The following MERTK variants were observed in gnomAD, a reference collection of about 807,000 sequenced individuals.
MERTK encodes the protein MER proto-oncogene, tyrosine kinase.
A neutral mutation model predicts 99.3 loss-of-function variants in MERTK; 69 were observed. The ratio of observed to expected loss-of-function variants is 0.70; its 90% confidence interval spans 0.57 to 0.85. The LOEUF is 0.85. Among genes scored for constraint, MERTK ranks in the 40% least tolerant of loss-of-function variants. MERTK has a pLI of 0.00. For missense variants in MERTK, 1,125 were observed against 1,249.4 expected (o/e 0.90, Z 1.50); for synonymous variants, 426 against 467.6 (o/e 0.91, Z 1.15).
rs528443108 is a variant in MERTK at position 111,978,186 on chromosome 2, G to A, written c.1144+2714G>A. Among the ~76,000 whole-genome samples the A allele has an allele frequency of 2.6e-4, 38 of 147,798 alleles. No homozygotes were observed. The East Asian group carries it at 4.2e-3, about 16-fold the overall frequency. The stretch of plus-strand genomic sequence containing the variant: ...TTTTTTGAGATGGAGTTTCACTCTC[G>A]TTGCCCAGGCTGGAGTGCAATGGTG... On this transcript the variant is annotated intron_variant, in intron 7 of 18. Coordinates refer to ENST00000295408, the MANE Select transcript of MERTK (RefSeq NM_006343.3).
In MERTK at chr2:111,964,088, CA is replaced by C. The variant is rs368758171; in HGVS notation, c.758-1102del. On this transcript the variant is annotated intron_variant, in intron 4 of 18. Coordinates refer to ENST00000295408, the MANE Select transcript of MERTK (RefSeq NM_006343.3). ...CCATAATGTACTTGTTGGAAGGAGT[CA>C]CTGTATGCAGCCCATTAAGGAGTGG... is the stretch of plus-strand genomic sequence containing the variant. 6.7e-3 allele frequency among the ~76,000 whole-genome samples: 845 copies of C among 125,930 alleles called. 11 individuals carry two copies. Among genetic ancestry groups the C allele is most frequent in the African/African-American group, 0.025 (818 of 33,332 alleles). The allele number at this position is 125,930 out of a possible 152,430, so 82.6% of individuals were successfully genotyped here. A position where few individuals can be genotyped will look rare whatever the true frequency, so the allele number is the denominator to read the frequency against.
chr2:111,913,065 G>C (rs1684282385), intron 1 of MERTK: 1 of 985,284 alleles, frequency 1.0e-6, no homozygotes, highest in Admixed American at 6.2e-5. Context: ...AAAAGTTTCT[G>C]TGTGGGTTGA....
chr2:111,898,964 C>G (rs1203295905), intron 1 of MERTK, among the ~76,000 whole-genome samples, 168 bp downstream of exon 1: 7 of 152,184 alleles, frequency 4.6e-5, no homozygotes, highest in African/African-American at 7.2e-5. Flanking sequence ...GCGAACCTAC[C>G]GTCCACTGAC....
intron 1 of MERTK, among the ~76,000 whole-genome samples, chr2:111,914,413 G>A (rs1382275517): frequency 6.6e-6 from 1 of 152,152 alleles, no homozygotes; most frequent in Admixed American, 6.5e-5. Flanking sequence ...AAGTAGCTGG[G>A]ACTGCAGGTG....
chr2:112,010,074 TCTC>T lies in MERTK; in HGVS notation c.2079+11_2079+13del. The T allele has an allele frequency of 6.4e-7, 1 of 1,572,254 alleles. No homozygotes were observed. Among genetic ancestry groups the T allele is most frequent in the Non-Finnish European group, 8.8e-7 (1 of 1,142,120 alleles). ...TTGGAGACAGGACCAAAGGTAATGATCTCCTTGTGTTACCCCTGAACACTTCTC... is the reference window on the plus strand; with the variant it reads ...TTGGAGACAGGACCAAAGGTAATGATCTTGTGTTACCCCTGAACACTTCTC... On this transcript the variant is annotated intron_variant, in intron 15 of 18. Transcript: ENST00000295408.
chr2:111,973,184 C>T (rs1248460521), intron 6 of MERTK, among the ~76,000 whole-genome samples: 2 of 152,176 alleles, frequency 1.3e-5, no homozygotes, highest in Non-Finnish European at 2.9e-5. Flanking sequence ...CCTCTAGGAA[C>T]GTGCTCTCAG....
At chr2:111,939,387 C>T in intron 2 of MERTK, among the ~76,000 whole-genome samples, 1 of 152,024 alleles carries the variant, frequency 6.6e-6, no homozygotes, top group Non-Finnish European at 1.5e-5. Context: ...TCTTAAAGGC[C>T]TCACATCTCC....
chr2:111,928,811 G>A (rs1051494922), intron 1 of MERTK, among the ~76,000 whole-genome samples: 1 of 152,172 alleles, frequency 6.6e-6, no homozygotes, highest in Admixed American at 6.6e-5. Context: ...GAGCCCTGCT[G>A]TGTCATCACC....
chr2:111,974,793 GAAA>G (rs1340812273), intron 6 of MERTK, among the ~76,000 whole-genome samples: 1 of 107,778 alleles, frequency 9.3e-6, no homozygotes, highest in Non-Finnish European at 2.0e-5. Flanking sequence ...AAAAAAAAAA[GAAA>G]GAAAAGAAAA....
intron 1 of MERTK, among the ~76,000 whole-genome samples, chr2:111,911,231 A>G (rs1684241740): frequency 6.6e-6 from 1 of 152,052 alleles, no homozygotes; most frequent in Non-Finnish European, 1.5e-5. Context: ...ATTTCATATA[A>G]ATAGTATGCT....
At chr2:111,901,392 A>G (rs1478238515) in intron 1 of MERTK, among the ~76,000 whole-genome samples, 1 of 152,142 alleles carries the variant, frequency 6.6e-6, no homozygotes, top group Non-Finnish European at 1.5e-5. Flanking sequence ...TATTGTAAAC[A>G]TCTTCCCAGA....
At chr2:111,950,830 G>A (rs913135860) in intron 4 of MERTK, among the ~76,000 whole-genome samples, 3 of 152,058 alleles carry the variant, frequency 2.0e-5, no homozygotes, top group Non-Finnish European at 4.4e-5. Flanking sequence ...GTCTGCAATC[G>A]TATTGTTTTT....
rs547064781 is a variant in MERTK, at chr2:111,979,160, C to T, written c.1145-3682C>T. ...ATTTGCCTTTCTTAGTTTATGCCCTCGTTTTTATGGAGCCCATTCTCAATT... is the reference window on the plus strand; with the variant it reads ...ATTTGCCTTTCTTAGTTTATGCCCTTGTTTTTATGGAGCCCATTCTCAATT... On this transcript the variant is annotated intron_variant, in intron 7 of 18. Coordinates refer to ENST00000295408, the MANE Select transcript of MERTK (RefSeq NM_006343.3). 7.9e-5 allele frequency among the ~76,000 whole-genome samples: 12 copies of T among 152,208 alleles called. 1 individual carries two copies. Among genetic ancestry groups the T allele is most frequent in the Admixed American group, 4.6e-4 (7 of 15,272 alleles).
At chr2:111,935,852 T>C (rs1684756640) in intron 2 of MERTK, among the ~76,000 whole-genome samples, 1 of 152,196 alleles carries the variant, frequency 6.6e-6, no homozygotes, top group African/African-American at 2.4e-5. Flanking sequence ...GCATAGATGA[T>C]TATATATCCT....
Position 112,008,418 on chromosome 2 carries a change from C to G in MERTK, c.1903C>G (p.Leu635Val). 6.2e-7 allele frequency: 1 copy of G among 1,614,074 alleles called. No homozygotes were observed. Among genetic ancestry groups the G allele is most frequent in the South Asian group, 1.1e-5 (1 of 91,078 alleles). The change falls in exon 14 of 19, where the codon CTC (leucine) becomes GTC (valine). Residue 635 changes from leucine to valine, a missense_variant. Coordinates refer to ENST00000295408, the MANE Select transcript of MERTK (RefSeq NM_006343.3). Reference protein sequence around the residue: ...NSSQREIEEFLSEAACMKDFS... With the variant: ...NSSQREIEEFVSEAACMKDFS... Reference sequence around the variant, plus strand: ...TTCACAGCGGGAGATCGAGGAGTTTCTCAGTGAGGCAGCGTGCATGAAAGA... The same window carrying G: ...TTCACAGCGGGAGATCGAGGAGTTTGTCAGTGAGGCAGCGTGCATGAAAGA...
intron 8 of MERTK, among the ~76,000 whole-genome samples, chr2:111,989,236 G>T (rs1180883106): frequency 6.6e-6 from 1 of 152,106 alleles, no homozygotes; most frequent in Non-Finnish European, 1.5e-5. Context: ...TGATGCCTGT[G>T]AATTTGAAAC....
intron 4 of MERTK, among the ~76,000 whole-genome samples, chr2:111,963,663 G>A (rs1323417313): frequency 2.0e-5 from 3 of 152,192 alleles, no homozygotes; most frequent in Non-Finnish European, 4.4e-5. Flanking sequence ...ATGTTTCAGG[G>A]AGCACGGGGT....
chr2:111,955,935 A>G (rs1685139720), intron 4 of MERTK, among the ~76,000 whole-genome samples: 1 of 144,744 alleles, frequency 6.9e-6, no homozygotes, highest in African/African-American at 2.5e-5. Context: ...ACTTGGACAC[A>G]GAAAGGGGAA....
chr2:111,997,104 T>G (rs1676761501), intron 9 of MERTK: 2 of 709,610 alleles, frequency 2.8e-6, no homozygotes, highest in Non-Finnish European at 5.2e-6. Flanking sequence ...TTTTGATCTA[T>G]GTATATGTTA....
Sources: gnomAD v4.1 joint callset for allele counts (sites outside exome capture counted in the v4.1 genomes callset) on GRCh38, gnomAD v4.1.1 for gene constraint, MANE v1.5 for transcripts, NCBI Gene and HGNC (gene_info 2026-07-23, HGNC 2026-07-21) for gene names.